Variants in ADARB2 observed in about 807,000 individuals in gnomAD.
ADARB2 encodes adenosine deaminase RNA specific B2 (inactive), also known as inactive double-stranded RNA-specific editase B2.
A neutral mutation model predicts 62.2 loss-of-function variants in ADARB2; 25 were observed. The observed-to-expected ratio is 0.40, with a 90% CI of 0.29 to 0.56. ADARB2 has a LOEUF of 0.56. Ranked by LOEUF, ADARB2 falls within the 20% of genes least tolerant of loss-of-function variation. The pLI, the probability that ADARB2 is intolerant of heterozygous loss-of-function variation, is 0.43. For missense variants in ADARB2, 1,071 were observed against 1,077.4 expected (o/e 0.99, Z 0.08); for synonymous variants, 572 against 500.8 (o/e 1.14, Z -1.90).
rs149053010 is a variant in ADARB2, at chr10:1,459,114, A to G, written c.101-79954T>C. Among the ~76,000 whole-genome samples the G allele has an allele frequency of 1.6e-3, 242 of 152,352 alleles. 7 individuals are homozygous for G. The East Asian group carries it at 0.043, about 27-fold the overall frequency. On this transcript the variant is annotated intron_variant, in intron 1 of 9. Transcript: ENST00000381312. The stretch of plus-strand genomic sequence containing the variant: ...GGTGGGAGTGCAAATTAGCTCAACC[A>G]TTGTGGAAAGCAGTGTGGTAATTCC...
At chr10:1,447,811 C>T (rs56003778) in intron 1 of ADARB2, among the ~76,000 whole-genome samples, 15,462 of 152,176 alleles carry the variant, frequency 0.1, 913 homozygotes, top group South Asian at 0.19. Context: ...CTCCTGCTTA[C>T]AAGTGAGAGC....
At chr10:1,593,265 C>A (rs778276494) in intron 1 of ADARB2, among the ~76,000 whole-genome samples, 41 of 92,952 alleles carry the variant, frequency 4.4e-4, no homozygotes, top group Admixed American at 1.0e-3. Context: ...ACCCAGCTTC[C>A]CTCACCCAAG....
intron 1 of ADARB2, among the ~76,000 whole-genome samples, chr10:1,534,418 A>G (rs1265265403): frequency 6.6e-6 from 1 of 152,232 alleles, no homozygotes; most frequent in African/African-American, 2.4e-5. Flanking sequence ...GATTACAGGC[A>G]TGAGCCACCG....
intron 3 of ADARB2, among the ~76,000 whole-genome samples, chr10:1,352,956 C>T (rs76939378): frequency 6.6e-6 from 1 of 152,186 alleles, no homozygotes; most frequent in African/African-American, 2.4e-5. Flanking sequence ...AATCCCCACA[C>T]ACCAGGAAAG....
intron 1 of ADARB2, among the ~76,000 whole-genome samples, chr10:1,726,155 G>A (rs1435628644): frequency 3.9e-5 from 6 of 152,158 alleles, no homozygotes; most frequent in African/African-American, 1.4e-4. Flanking sequence ...CAGAGCCTAG[G>A]CAAGTAGCAC....
intron 1 of ADARB2, among the ~76,000 whole-genome samples, chr10:1,594,856 G>A (rs116654917): frequency 4.6e-5 from 7 of 152,130 alleles, no homozygotes; most frequent in Admixed American, 1.3e-4. Flanking sequence ...TCGTTGTATC[G>A]GGGCAGAGCA....
intron 6 of ADARB2, among the ~76,000 whole-genome samples, chr10:1,223,725 T>A (rs892857210): frequency 2.0e-5 from 3 of 152,208 alleles, no homozygotes; most frequent in African/African-American, 7.2e-5. Context: ...TGGATTACGT[T>A]TATTGATTTT....
intron 2 of ADARB2, among the ~76,000 whole-genome samples, chr10:1,373,614 A>C (rs1040582184): frequency 6.6e-6 from 1 of 152,176 alleles, no homozygotes; most frequent in East Asian, 1.9e-4. Context: ...CACCTACATC[A>C]GCTGGGTGGG....
intron 1 of ADARB2, among the ~76,000 whole-genome samples, chr10:1,459,904 C>T (rs1398348351): frequency 6.6e-6 from 1 of 152,194 alleles, no homozygotes; most frequent in Non-Finnish European, 1.5e-5. Context: ...CTGACATAAT[C>T]TGTGCAGCAA....
chr10:1,680,621 C>T (rs1834524371), intron 1 of ADARB2, among the ~76,000 whole-genome samples: 1 of 152,200 alleles, frequency 6.6e-6, no homozygotes, highest in Admixed American at 6.5e-5. Flanking sequence ...CACTGAGGGA[C>T]TGAAGGAGCG....
chr10:1,563,899 C>T (rs543291192), intron 1 of ADARB2, among the ~76,000 whole-genome samples: 46 of 147,970 alleles, frequency 3.1e-4, no homozygotes, highest in African/African-American at 8.0e-4. Flanking sequence ...TTTGTTCTTG[C>T]GATAGTTTAC....
intron 1 of ADARB2, among the ~76,000 whole-genome samples, chr10:1,440,927 T>G (rs1297618630): frequency 6.6e-6 from 1 of 152,240 alleles, no homozygotes; most frequent in Non-Finnish European, 1.5e-5. Flanking sequence ...CAAGCCTCAC[T>G]CCAGCCTTTG....
At chr10:1,487,838 G>A (rs1831563243) in intron 1 of ADARB2, among the ~76,000 whole-genome samples, 1 of 152,136 alleles carries the variant, frequency 6.6e-6, no homozygotes, top group Admixed American at 6.6e-5. Context: ...CACCTACTGG[G>A]AGTTAAAAAC....
chr10:1,333,015 G>A (rs1425316386), intron 3 of ADARB2, among the ~76,000 whole-genome samples: 2 of 152,150 alleles, frequency 1.3e-5, no homozygotes, highest in Non-Finnish European at 2.9e-5. Flanking sequence ...CAGATTTCTG[G>A]TCTCCAGCCC....
Position 1,271,631 on chromosome 10 carries a change from TGCACACACAC to T in ADARB2, c.1078-572_1078-563del, listed in dbSNP as rs770211028. ...GTGCACACACGAATATGCACACACA[TGCACACACAC>T]AGACACACACATACACATACACGTG... On this transcript the variant is annotated intron_variant, in intron 3 of 9. Coordinates refer to ENST00000381312, the MANE Select transcript of ADARB2 (RefSeq NM_018702.4). 7.9e-4 allele frequency among the ~76,000 whole-genome samples: 119 copies of T among 150,702 alleles called. 1 individual carries two copies. In the East Asian group the frequency reaches 8.1e-3, roughly 10 times the overall value.
Position 1,367,536 on chromosome 10 carries a change from A to C in ADARB2, c.188-3619T>G, listed in dbSNP as rs564555548. 3.9e-5 allele frequency among the ~76,000 whole-genome samples: 6 copies of C among 152,288 alleles called. No homozygotes were observed. The South Asian group carries it at 1.2e-3, about 32-fold the overall frequency. ...CAAATGCTTTTGTTAATCATTATGC[A>C]CTTTGGGTATACATATAGCACTGCT... is the stretch of plus-strand genomic sequence containing the variant. On this transcript the variant is annotated intron_variant, in intron 2 of 9. Transcript: ENST00000381312.
At chr10:1,250,955 A>G (rs1305150826) in intron 4 of ADARB2, among the ~76,000 whole-genome samples, 1 of 152,204 alleles carries the variant, frequency 6.6e-6, no homozygotes. Context: ...AATTTAGTAT[A>G]GGACAAAGGT....
At chr10:1,593,928 G>C (rs551596505) in intron 1 of ADARB2, among the ~76,000 whole-genome samples, 2 of 152,130 alleles carry the variant, frequency 1.3e-5, no homozygotes, top group Non-Finnish European at 2.9e-5. Flanking sequence ...CATGGGATTC[G>C]GAGAGCTGCA....
At chr10:1,262,300 A>G (rs1831147801) in intron 4 of ADARB2, among the ~76,000 whole-genome samples, 1 of 144,608 alleles carries the variant, frequency 6.9e-6, no homozygotes, top group Non-Finnish European at 1.5e-5. Context: ...AATAATAATA[A>G]TAATAATAAT....
Sources: allele counts gnomAD v4.1 joint callset (sites outside exome capture counted in the v4.1 genomes callset), GRCh38; gene constraint gnomAD v4.1.1; transcripts MANE v1.5; gene names NCBI Gene and HGNC (gene_info 2026-07-23, HGNC 2026-07-21).